The following CRPPA variants were observed in gnomAD, a reference collection of about 807,000 sequenced individuals.
CRPPA encodes the protein CDP-L-ribitol pyrophosphorylase A.
CRPPA carries 43 observed loss-of-function variants against 52.0 expected under a neutral mutation model. The observed-to-expected ratio is 0.83, with a 90% CI of 0.65 to 1.07. The LOEUF is 1.07. Among genes scored for constraint, CRPPA ranks in the 50% least tolerant of loss-of-function variants. The pLI is 0.00. For synonymous variants in CRPPA, 250 were observed against 203.5 expected, an observed-to-expected ratio of 1.23 and a Z score of -1.94; for missense variants, 629 against 551.7, an observed-to-expected ratio of 1.14 and a Z score of -1.40.
chr7:16,304,716 C>T (rs1372270887), intron 4 of CRPPA, among the ~76,000 whole-genome samples: 1 of 152,146 alleles, frequency 6.6e-6, no homozygotes, highest in Non-Finnish European at 1.5e-5. Flanking sequence ...TGAAATTCTA[C>T]TACTGAAATT....
chr7:16,376,597 T>C (rs1786895057), intron 2 of CRPPA, among the ~76,000 whole-genome samples: 1 of 152,086 alleles, frequency 6.6e-6, no homozygotes, highest in African/African-American at 2.4e-5. Flanking sequence ...TTGATATGGA[T>C]TGCAAATTAA....
intron 2 of CRPPA, among the ~76,000 whole-genome samples, chr7:16,396,224 C>G (rs1390710076): frequency 6.6e-6 from 1 of 152,126 alleles, no homozygotes; most frequent in Admixed American, 6.6e-5. Context: ...ATGAATAAAG[C>G]CTGACCTGAA....
At chr7:16,408,319 T>G (rs1046195355) in intron 1 of CRPPA, among the ~76,000 whole-genome samples, 3 of 150,900 alleles carry the variant, frequency 2.0e-5, no homozygotes, top group Non-Finnish European at 4.4e-5. Context: ...GAAAAGGGAG[T>G]TTGCACTGAG....
rs557617604 is a variant in CRPPA, at chr7:16,412,349, C to T, written c.258-6012G>A. ...GCGTAGCACAGAGATAGGTTGTTTG[C>T]ATGAATTTTCTTTCAAATGTGCGTG... On this transcript the variant is annotated intron_variant, in intron 1 of 9. Coordinates refer to ENST00000407010, the MANE Select transcript of CRPPA (RefSeq NM_001101426.4). 3.3e-5 allele frequency among the ~76,000 whole-genome samples: 5 copies of T among 152,236 alleles called. No homozygotes were observed. The South Asian group carries it at 1.0e-3, about 32-fold the overall frequency.
intron 3 of CRPPA, among the ~76,000 whole-genome samples, chr7:16,361,573 C>T (rs1437241495): frequency 6.6e-6 from 1 of 152,072 alleles, no homozygotes; most frequent in Non-Finnish European, 1.5e-5. Flanking sequence ...CACAGATGAA[C>T]CTTAAAGACA....
rs1781782389 is a variant in CRPPA at position 16,089,472 on chromosome 7, C to CGTAT, written c.*2222_*2223insATAC. The CGTAT allele has an allele frequency of 3.2e-6, 1 of 311,070 alleles. No individual in the cohort carries two copies. Among genetic ancestry groups the CGTAT allele is most frequent in the African/African-American group, 2.2e-5 (1 of 46,096 alleles). 19.3% of individuals were successfully genotyped at this position (311,070 alleles called of 1,614,324 possible). A position where few individuals can be genotyped will look rare whatever the true frequency, so the allele number is the denominator to read the frequency against. On this transcript the variant is annotated 3_prime_UTR_variant, in exon 10 of 10. Transcript: ENST00000407010. ...GCATACATATATGTGTATATATGTACGTACATATATACGGGTATATATGTA... is the reference window on the plus strand; with the variant it reads ...GCATACATATATGTGTATATATGTACGTATGTACATATATACGGGTATATATGTA...
At chr7:16,103,473 A>G (rs1782089779) in intron 9 of CRPPA, among the ~76,000 whole-genome samples, 1 of 152,172 alleles carries the variant, frequency 6.6e-6, no homozygotes, top group South Asian at 2.1e-4. Flanking sequence ...AGAAATATCA[A>G]AGGTTTTAGA....
At chr7:16,257,715 TTC>T (rs1361217466) in intron 8 of CRPPA, among the ~76,000 whole-genome samples, 1 of 152,218 alleles carries the variant, frequency 6.6e-6, no homozygotes, top group East Asian at 1.9e-4. Context: ...CTGGAACCCC[TTC>T]ACACAGCAAA....
intron 9 of CRPPA, among the ~76,000 whole-genome samples, chr7:16,186,667 C>G (rs1054613894): frequency 9.2e-5 from 14 of 152,058 alleles, no homozygotes; most frequent in African/African-American, 3.1e-4. Flanking sequence ...AATAGACTAT[C>G]AAAAAGAAGT....
intron 1 of CRPPA, among the ~76,000 whole-genome samples, chr7:16,412,736 G>A (rs928173712): frequency 2.6e-5 from 4 of 152,102 alleles, no homozygotes; most frequent in East Asian, 1.9e-4. Context: ...CTTAACTGAG[G>A]ACAAGTCCAC....
In CRPPA at chr7:16,331,060, C is replaced by T. The variant is rs112700306; in HGVS notation, c.685-22433G>A. Among the ~76,000 whole-genome samples the T allele has an allele frequency of 2.4e-3, 359 of 152,232 alleles. 2 individuals are homozygous for T. The highest frequency in any genetic ancestry group is 8.3e-3 in the African/African-American group (344 of 41,546). ...TGACGCCCAGGCTGGAGTGCAGGGG[C>T]GCCATCTCGGCTCACTGCAAACTCT... is the stretch of plus-strand genomic sequence containing the variant. On this transcript the variant is annotated intron_variant, in intron 3 of 9. Coordinates refer to ENST00000407010, the MANE Select transcript of CRPPA (RefSeq NM_001101426.4).
intron 9 of CRPPA, among the ~76,000 whole-genome samples, chr7:16,180,914 T>C (rs1781399920): frequency 6.6e-6 from 1 of 152,040 alleles, no homozygotes; most frequent in Admixed American, 6.6e-5. Context: ...ACTGCTATGG[T>C]GCCTTATTCT....
intron 9 of CRPPA, among the ~76,000 whole-genome samples, chr7:16,173,120 G>A (rs1233210964): frequency 2.0e-5 from 3 of 152,108 alleles, no homozygotes; most frequent in African/African-American, 7.2e-5. Context: ...CATTATCTGA[G>A]AATCTTGCTG....
chr7:16,115,911 A>C (rs1389143607), intron 9 of CRPPA, among the ~76,000 whole-genome samples: 1 of 152,222 alleles, frequency 6.6e-6, no homozygotes, highest in East Asian at 1.9e-4. Flanking sequence ...CATAGATGGC[A>C]CAAAAGGTAA....
At chr7:16,396,631 T>C (rs775852889) in intron 2 of CRPPA, among the ~76,000 whole-genome samples, 3 of 152,248 alleles carry the variant, frequency 2.0e-5, no homozygotes, top group Non-Finnish European at 4.4e-5. Context: ...CATGCATATA[T>C]GTAGCAGCAC....
intron 9 of CRPPA, among the ~76,000 whole-genome samples, chr7:16,161,172 T>C (rs1019231331): frequency 2.6e-5 from 4 of 152,188 alleles, no homozygotes; most frequent in African/African-American, 9.7e-5. Context: ...AAATACGCTT[T>C]ATTTCTTTCT....
chr7:16,344,641 G>A (rs1785960817), intron 3 of CRPPA, among the ~76,000 whole-genome samples: 1 of 151,916 alleles, frequency 6.6e-6, no homozygotes, highest in African/African-American at 2.4e-5. Flanking sequence ...TTATCAACTA[G>A]AAGATGTTAA....
chr7:16,166,799 A>T (rs1781075467), intron 9 of CRPPA, among the ~76,000 whole-genome samples: 1 of 152,020 alleles, frequency 6.6e-6, no homozygotes, highest in Non-Finnish European at 1.5e-5. Context: ...TACTCTGTAA[A>T]AACATCCTAC....
At chr7:16,326,385 G>A (rs1020510284) in intron 3 of CRPPA, among the ~76,000 whole-genome samples, 1 of 152,156 alleles carries the variant, frequency 6.6e-6, no homozygotes, top group Non-Finnish European at 1.5e-5. Context: ...ATTGAAGGAG[G>A]AAATCCCTCT....
Sources: allele counts gnomAD v4.1 joint callset (sites outside exome capture counted in the v4.1 genomes callset), GRCh38; gene constraint gnomAD v4.1.1; transcripts MANE v1.5; gene names NCBI Gene and HGNC (gene_info 2026-07-23, HGNC 2026-07-21).